CDK6: variants seen among roughly 807,000 people sequenced by gnomAD.
CDK6 encodes the protein cyclin-dependent kinase 6.
A neutral mutation model predicts 37.1 loss-of-function variants in CDK6; 6 were observed. That is an observed-to-expected ratio of 0.16 (90% CI 0.09 to 0.32). The LOEUF (loss-of-function observed/expected upper bound fraction) is 0.32, where lower values mean the gene tolerates loss of function less well. Ranked by LOEUF, CDK6 falls within the 10% of genes least tolerant of loss-of-function variation. The pLI is 1.00. For missense variants in CDK6, 224 were observed against 418.9 expected (o/e 0.53, Z 4.06); for synonymous variants, 160 against 161.3 (o/e 0.99, Z 0.06).
At chr7:92,740,665 C>T (rs1015405449) in intron 3 of CDK6, among the ~76,000 whole-genome samples, 8 of 152,154 alleles carry the variant, frequency 5.3e-5, no homozygotes, top group Non-Finnish European at 1.0e-4. Flanking sequence ...TTTTTCTCAG[C>T]AACCCCTTGA....
At chr7:92,797,912 G>A (rs1045660386) in intron 2 of CDK6, among the ~76,000 whole-genome samples, 1 of 152,134 alleles carries the variant, frequency 6.6e-6, no homozygotes, top group Admixed American at 6.5e-5. Context: ...GGACACCTTC[G>A]ATGTGTTAAC....
chr7:92,714,092 T>C (rs1019220860), intron 4 of CDK6, among the ~76,000 whole-genome samples: 1 of 152,124 alleles, frequency 6.6e-6, no homozygotes, highest in Non-Finnish European at 1.5e-5. Flanking sequence ...CTTTTAAAAA[T>C]AGAAGACAGA....
intron 2 of CDK6, among the ~76,000 whole-genome samples, chr7:92,801,959 C>T (rs1365911473): frequency 6.9e-6 from 1 of 145,942 alleles, no homozygotes; most frequent in South Asian, 2.4e-4. Flanking sequence ...CCTCCCCTCC[C>T]CCCCGTTCTC....
intron 3 of CDK6, among the ~76,000 whole-genome samples, chr7:92,753,051 T>C (rs576401852): frequency 1.3e-5 from 2 of 152,290 alleles, no homozygotes; most frequent in Admixed American, 1.3e-4. Flanking sequence ...ACAACCTACT[T>C]TATGGTGATT....
chr7:92,825,363 G>A lies in CDK6; in HGVS notation c.233+7728C>T, dbSNP rs61002315. 4.4e-3 allele frequency among the ~76,000 whole-genome samples: 676 copies of A among 152,104 alleles called. 4 individuals are homozygous for A. Among genetic ancestry groups the A allele is most frequent in the African/African-American group, 0.015 (626 of 41,488 alleles). ...ACTTATTCAGGGTTACAAGACACCAGACATCATGCTAAATGCTTGGGATAC... is the reference window on the plus strand; with the variant it reads ...ACTTATTCAGGGTTACAAGACACCAAACATCATGCTAAATGCTTGGGATAC... On this transcript the variant is annotated intron_variant, in intron 2 of 7. Transcript: ENST00000424848.
chr7:92,818,037 A>G (rs528782634), intron 2 of CDK6, among the ~76,000 whole-genome samples: 1 of 152,138 alleles, frequency 6.6e-6, no homozygotes, highest in South Asian at 2.1e-4. Flanking sequence ...GTCAATATCT[A>G]TGCCTTCGCC....
At chr7:92,679,456 G>A (rs1325136700) in intron 4 of CDK6, among the ~76,000 whole-genome samples, 3 of 152,034 alleles carry the variant, frequency 2.0e-5, no homozygotes, top group South Asian at 4.2e-4. Flanking sequence ...TCTCCTTCTC[G>A]GGCCCACTTC....
intron 2 of CDK6, among the ~76,000 whole-genome samples, chr7:92,775,632 A>G (rs528351762): frequency 1.0e-3 from 156 of 152,336 alleles, no homozygotes; most frequent in African/African-American, 3.6e-3. Flanking sequence ...GCCAAAGGAC[A>G]AAATTTCCTT....
chr7:92,625,663 T>C (rs1197006450), intron 5 of CDK6, among the ~76,000 whole-genome samples: 1 of 152,034 alleles, frequency 6.6e-6, no homozygotes, highest in Non-Finnish European at 1.5e-5. Flanking sequence ...TATATGCCTT[T>C]TTAAAAAAAC....
intron 3 of CDK6, among the ~76,000 whole-genome samples, chr7:92,739,345 A>T (rs1162637068): frequency 6.6e-6 from 1 of 152,164 alleles, no homozygotes; most frequent in Non-Finnish European, 1.5e-5. Context: ...TGCATGTGCA[A>T]ATGTACACAT....
rs1332994248 is a variant in CDK6, at chr7:92,605,679, T to G, written c.*9461A>C. ...CTTTCTTTCTTTCTTCTTCTTTTGC[T>G]TCAAGAGGGCTTTCTGTGTGTAATG... On this transcript the variant is annotated 3_prime_UTR_variant, in exon 8 of 8. Transcript: ENST00000424848. The G allele has an allele frequency of 1.3e-5, 3 of 233,236 alleles. No homozygotes were observed. Among genetic ancestry groups the G allele is most frequent in the Non-Finnish European group, 2.5e-5 (3 of 118,110 alleles). The allele number at this position is 233,236 out of a possible 1,614,324, so 14.4% of individuals were successfully genotyped here.
chr7:92,661,162 G>C (rs969744375), intron 5 of CDK6, among the ~76,000 whole-genome samples: 1 of 152,148 alleles, frequency 6.6e-6, no homozygotes, highest in African/African-American at 2.4e-5. Context: ...GCAATGATGA[G>C]GAGGTCACCA....
intron 3 of CDK6, among the ~76,000 whole-genome samples, chr7:92,749,564 G>A (rs542714511): frequency 6.6e-6 from 1 of 152,130 alleles, no homozygotes; most frequent in Admixed American, 6.6e-5. Context: ...ATTCTTCAGG[G>A]TATTCATATC....
At chr7:92,805,403 C>T (rs1373252561) in intron 2 of CDK6, among the ~76,000 whole-genome samples, 1 of 152,124 alleles carries the variant, frequency 6.6e-6, no homozygotes, top group Non-Finnish European at 1.5e-5. Context: ...ATCCATTTTC[C>T]GTCATGCTGT....
intron 4 of CDK6, among the ~76,000 whole-genome samples, chr7:92,679,789 C>T (rs896133375): frequency 6.6e-6 from 1 of 151,374 alleles, no homozygotes. Context: ...GGTGTGATCT[C>T]GGCTCACTGC....
chr7:92,610,982 G>T lies in CDK6; in HGVS notation c.*4158C>A. 4.4e-6 allele frequency: 1 copy of T among 228,030 alleles called. No homozygotes were observed. The highest frequency in any genetic ancestry group is 6.3e-5 in the East Asian group (1 of 15,762). 14.1% of individuals were successfully genotyped at this position (228,030 alleles called of 1,614,324 possible). A position where few individuals can be genotyped will look rare whatever the true frequency, so the allele number is the denominator to read the frequency against. On this transcript the variant is annotated 3_prime_UTR_variant, in exon 8 of 8. Coordinates refer to ENST00000424848, the MANE Select transcript of CDK6 (RefSeq NM_001145306.2). Reference sequence around the variant, plus strand: ...CAGGTAATTTAGTTTGCTTGGGACAGCTTCTCCATAACATTTGTTTTCGAC... The same window carrying T: ...CAGGTAATTTAGTTTGCTTGGGACATCTTCTCCATAACATTTGTTTTCGAC...
intron 5 of CDK6, among the ~76,000 whole-genome samples, chr7:92,630,031 C>T (rs139778932): frequency 6.6e-6 from 1 of 152,196 alleles, no homozygotes; most frequent in Admixed American, 6.5e-5. Flanking sequence ...AGCCCCATCT[C>T]CAAATAGCAT....
chr7:92,730,667 C>T (rs1798623178), intron 3 of CDK6, among the ~76,000 whole-genome samples: 1 of 152,200 alleles, frequency 6.6e-6, no homozygotes, highest in Non-Finnish European at 1.5e-5. Flanking sequence ...CCTCAGTTAA[C>T]ATAGTTCCTT....
intron 2 of CDK6, among the ~76,000 whole-genome samples, chr7:92,814,777 T>G (rs917404217): frequency 6.6e-6 from 1 of 151,746 alleles, no homozygotes; most frequent in Non-Finnish European, 1.5e-5. Context: ...AGAAATAAGG[T>G]GATGGAAGAA....
Sources: allele counts gnomAD v4.1 joint callset (sites outside exome capture counted in the v4.1 genomes callset), GRCh38; gene constraint gnomAD v4.1.1; transcripts MANE v1.5; gene names NCBI Gene and HGNC (gene_info 2026-07-23, HGNC 2026-07-21).